Variants in NCOA2 observed in about 807,000 individuals in gnomAD.
The protein encoded by NCOA2 is class E basic helix-loop-helix protein 75.
A neutral mutation model predicts 145.1 loss-of-function variants in NCOA2; 21 were observed. That is an observed-to-expected ratio of 0.14 (90% CI 0.10 to 0.21). NCOA2 has a LOEUF of 0.21. Among genes scored for constraint, NCOA2 ranks in the 10% least tolerant of loss-of-function variants. The pLI, the probability that NCOA2 is intolerant of heterozygous loss-of-function variation, is 1.00. For synonymous variants in NCOA2, 619 were observed against 637.5 expected (o/e 0.97, Z 0.44); for missense variants, 1,472 against 1,837.6 (o/e 0.80, Z 3.64).
intron 2 of NCOA2, among the ~76,000 whole-genome samples, chr8:70,233,279 G>T (rs1272771444): frequency 2.0e-5 from 3 of 151,708 alleles, no homozygotes; most frequent in African/African-American, 4.8e-5. Context: ...ACCCCAGAAG[G>T]GTCTACAGAA....
chr8:70,442,659 C>T, the NCOA2 span, among the ~76,000 whole-genome samples: 2 of 152,286 alleles, frequency 1.3e-5, no homozygotes, highest in East Asian at 3.9e-4. Context: ...AAGGCTTTGC[C>T]AACAGCTACT....
At chr8:70,118,063 C>T (rs143190421) in intron 22 of NCOA2, among the ~76,000 whole-genome samples, 9 of 152,266 alleles carry the variant, frequency 5.9e-5, no homozygotes, top group East Asian at 5.8e-4. Flanking sequence ...CCTTACCCTA[C>T]GGAGTGGCTT....
the NCOA2 span, among the ~76,000 whole-genome samples, chr8:70,416,399 G>T: frequency 6.6e-6 from 1 of 152,108 alleles, no homozygotes; most frequent in Non-Finnish European, 1.5e-5. Context: ...GATCCATGCA[G>T]TCTTCTTAAG....
the NCOA2 span, among the ~76,000 whole-genome samples, chr8:70,441,865 T>G: frequency 8.2e-6 from 1 of 122,076 alleles, no homozygotes. Context: ...ACAGACAAAC[T>G]GACTCTCAGG....
At chr8:70,337,408 G>C (rs1000377438) in intron 1 of NCOA2, among the ~76,000 whole-genome samples, 1 of 152,116 alleles carries the variant, frequency 6.6e-6, no homozygotes, top group Non-Finnish European at 1.5e-5. Flanking sequence ...TTCTGAATAG[G>C]CAACAGAGGA....
At chr8:70,376,530 T>C (rs1029777019) in intron 1 of NCOA2, among the ~76,000 whole-genome samples, 1 of 152,218 alleles carries the variant, frequency 6.6e-6, no homozygotes, top group Non-Finnish European at 1.5e-5. Context: ...CACTAGTTGA[T>C]TGTGACCTTC....
intron 2 of NCOA2, among the ~76,000 whole-genome samples, chr8:70,262,824 C>T (rs1824249982): frequency 6.6e-6 from 1 of 152,078 alleles, no homozygotes; most frequent in Non-Finnish European, 1.5e-5. Context: ...TGCCTGAAAC[C>T]ACAGATACTA....
At chr8:70,336,731 C>T (rs944558039) in intron 1 of NCOA2, among the ~76,000 whole-genome samples, 2 of 152,198 alleles carry the variant, frequency 1.3e-5, no homozygotes, top group Non-Finnish European at 2.9e-5. Flanking sequence ...ATACAATCCC[C>T]TCCCACCAGG....
intron 2 of NCOA2, among the ~76,000 whole-genome samples, chr8:70,287,324 A>G (rs893144993): frequency 6.6e-6 from 1 of 152,138 alleles, no homozygotes; most frequent in Admixed American, 6.5e-5. Context: ...CTTAGAATGT[A>G]GTATTTTCTC....
intron 9 of NCOA2, among the ~76,000 whole-genome samples, chr8:70,162,153 A>G (rs1813097610): frequency 6.6e-6 from 1 of 152,154 alleles, no homozygotes; most frequent in African/African-American, 2.4e-5. Flanking sequence ...AATGCCACAC[A>G]AAGACCAGGT....
chr8:70,292,185 G>A (rs548482804), intron 2 of NCOA2, among the ~76,000 whole-genome samples: 81 of 152,046 alleles, frequency 5.3e-4, no homozygotes, highest in Non-Finnish European at 8.8e-4. Flanking sequence ...CCAGGCTGGC[G>A]TGCAGTGGCC....
In NCOA2 at chr8:70,124,883, A is replaced by C. The variant is rs914285413; in HGVS notation, c.3917-18T>G. Reference sequence around the variant, plus strand: ...ACTTATTCCTTAAAAAAAAAAACAGAAACAGAAATCCAAAAGAGACTGTTA... The same window carrying C: ...ACTTATTCCTTAAAAAAAAAAACAGCAACAGAAATCCAAAAGAGACTGTTA... On this transcript the variant is annotated intron_variant, in intron 19 of 22. Coordinates refer to ENST00000452400, the MANE Select transcript of NCOA2 (RefSeq NM_006540.4). The C allele has an allele frequency of 6.5e-5, 102 of 1,559,674 alleles. No homozygotes were observed. Among genetic ancestry groups the C allele is most frequent in the Non-Finnish European group, 8.0e-5 (93 of 1,157,912 alleles).
At chr8:70,238,468 A>C (rs1821849608) in intron 2 of NCOA2, among the ~76,000 whole-genome samples, 1 of 152,190 alleles carries the variant, frequency 6.6e-6, no homozygotes, top group Non-Finnish European at 1.5e-5. Context: ...AAGCTCTTAC[A>C]TCACAGGACA....
At chr8:70,117,525 C>T (rs1301021668) in intron 22 of NCOA2, among the ~76,000 whole-genome samples, 1 of 152,194 alleles carries the variant, frequency 6.6e-6, no homozygotes, top group Non-Finnish European at 1.5e-5. Context: ...TTATCAATAT[C>T]TTTCTTGTCC....
chr8:70,159,244 T>TATATATATATATATATGTATGTATATATA, intron 10 of NCOA2, among the ~76,000 whole-genome samples: 3 of 69,282 alleles, frequency 4.3e-5, no homozygotes, highest in South Asian at 3.9e-4. Context: ...ATATATATAT[T>TATATATATATATATATGTATGTATATATA]TTTTTTTTTT....
chr8:70,148,472 C>G lies in NCOA2; in HGVS notation c.2406G>C (p.Glu802Asp). ...SFEPGDQPGS[E>D]LDNLEEILDD... ...CCAAAATCTCCTCCAAGTTGTCCAG[C>G]TCACTGCCAGGCTGTAGTTGACAAA... is the stretch of plus-strand genomic sequence containing the variant. Residue 802 changes from glutamate (E) to aspartate (D), a missense_variant, in exon 12 of 23, where the codon GAG becomes GAC. Around this residue, in one of 4 missense-constraint regions of NCOA2, gnomAD observed 953 missense variants for 1,062.1 expected, o/e 0.90. Coordinates refer to ENST00000452400, the MANE Select transcript of NCOA2 (RefSeq NM_006540.4). 1 of 1,613,050 alleles carries G rather than the reference C, an allele frequency of 6.2e-7. No individual in the cohort carries two copies. The highest frequency in any genetic ancestry group is 8.5e-7 in the Non-Finnish European group (1 of 1,179,862).
At chr8:70,166,498 A>C in intron 7 of NCOA2, 68 bp downstream of exon 7, 1 of 1,534,146 alleles carries the variant, frequency 6.5e-7, no homozygotes, top group Non-Finnish European at 9.0e-7. Flanking sequence ...CCACTAATTA[A>C]AGTGTGAAGG....
At chr8:70,202,921 G>A (rs1165119957) in intron 4 of NCOA2, among the ~76,000 whole-genome samples, 2 of 152,108 alleles carry the variant, frequency 1.3e-5, no homozygotes, top group African/African-American at 2.4e-5. Context: ...GGCTGGGCGC[G>A]GTAGCTTATG....
At chr8:70,411,070 A>G in the NCOA2 span, among the ~76,000 whole-genome samples, 1 of 152,242 alleles carries the variant, frequency 6.6e-6, no homozygotes, top group Non-Finnish European at 1.5e-5. Context: ...TGCAAATTAT[A>G]CCTAAACAAA....
Sources: allele counts gnomAD v4.1 joint callset (sites outside exome capture counted in the v4.1 genomes callset), GRCh38; gene constraint gnomAD v4.1.1; regional missense constraint gnomAD v4.1.1; transcripts MANE v1.5; gene names NCBI Gene and HGNC (gene_info 2026-07-23, HGNC 2026-07-21).